The following UGT1A10 variants were observed in gnomAD, a reference collection of about 807,000 sequenced individuals.
UGT1A10 encodes UDP-glucuronosyltransferase 1A10.
UGT1A10 carries 49 observed loss-of-function variants against 45.8 expected under a neutral mutation model. The observed-to-expected ratio is 1.07, with a 90% CI of 0.85 to 1.36. The LOEUF is 1.36. Among genes scored for constraint, UGT1A10 ranks in the 40% most tolerant of loss-of-function variants. The pLI, the probability that UGT1A10 is intolerant of heterozygous loss-of-function variation, is 0.00. For missense variants in UGT1A10, 745 were observed against 668.6 expected (o/e 1.11, Z -1.26); for synonymous variants, 284 against 249.7 (o/e 1.14, Z -1.29).
At chr2:233,748,119 A>G (rs1693871947) in intron 1 of UGT1A10, 2 of 1,611,514 alleles carry the variant, frequency 1.2e-6, no homozygotes, top group Admixed American at 1.7e-5. Flanking sequence ...GTTCCAGGCA[A>G]AACAGTTTTT....
At chr2:233,719,824 T>G in intron 1 of UGT1A10, 2 of 1,564,874 alleles carry the variant, frequency 1.3e-6, no homozygotes, top group South Asian at 2.4e-5. Context: ...GATAAACTGT[T>G]GAGGGGCCTA....
At chr2:233,637,517 AT>A (rs2125459929) in intron 1 of UGT1A10, 140 bp downstream of exon 1, 1 of 1,443,100 alleles carries the variant, frequency 6.9e-7, no homozygotes, top group East Asian at 2.3e-5. Context: ...TTTTGTGCGA[AT>A]TCATGTACTC....
chr2:233,706,934 A>C (rs932560394), intron 1 of UGT1A10, among the ~76,000 whole-genome samples: 8 of 152,130 alleles, frequency 5.3e-5, no homozygotes, highest in African/African-American at 1.7e-4. Flanking sequence ...GTCTGGTGAG[A>C]TGGAATGCTT....
chr2:233,705,634 G>A (rs1392542286), intron 1 of UGT1A10, among the ~76,000 whole-genome samples: 1 of 152,192 alleles, frequency 6.6e-6, no homozygotes, highest in Non-Finnish European at 1.5e-5. Context: ...GACAGTTCTA[G>A]GAAGTTGAAG....
intron 1 of UGT1A10, chr2:233,755,285 A>T (rs1468695441): frequency 1.5e-6 from 1 of 681,694 alleles, no homozygotes; most frequent in African/African-American, 1.9e-5. Flanking sequence ...ACTGCCAAAG[A>T]GCCTGCGGGG....
rs189666363 is a variant in UGT1A10, at chr2:233,665,935, C to A, written c.855+28558C>A. 1.2e-3 allele frequency among the ~76,000 whole-genome samples: 189 copies of A among 152,270 alleles called. 1 individual carries two copies. The highest frequency in any genetic ancestry group is 1.9e-4 in the Non-Finnish European group (13 of 68,012). On this transcript the variant is annotated intron_variant, in intron 1 of 4. Transcript: ENST00000344644. ...TGAGAGGTCCAGCTGTTCATACTCA[C>A]CAACACTGGATGTCTTAGTCCGTTT...
chr2:233,759,839 C>T (rs1697267219), intron 1 of UGT1A10, among the ~76,000 whole-genome samples: 1 of 152,144 alleles, frequency 6.6e-6, no homozygotes, highest in South Asian at 2.1e-4. Context: ...AGTGGGCACT[C>T]TTACAGGTTT....
chr2:233,734,943 C>G (rs2078589604), intron 1 of UGT1A10, among the ~76,000 whole-genome samples: 1 of 152,150 alleles, frequency 6.6e-6, no homozygotes, highest in Non-Finnish European at 1.5e-5. Flanking sequence ...ATCATATGGT[C>G]AGTTTTAGAA....
intron 1 of UGT1A10, among the ~76,000 whole-genome samples, chr2:233,656,480 C>T (rs879655856): frequency 6.6e-6 from 1 of 152,168 alleles, no homozygotes; most frequent in Non-Finnish European, 1.5e-5. Flanking sequence ...TTTCTCTAGA[C>T]CTGTGCTTAT....
rs2076727897 is a variant in UGT1A10, at chr2:233,719,116, G to C, written c.856-47918G>C. On this transcript the variant is annotated intron_variant, in intron 1 of 4. Coordinates refer to ENST00000344644, the MANE Select transcript of UGT1A10 (RefSeq NM_019075.4). Reference sequence around the variant, plus strand: ...CGCGTTACGCTGGGCTACACTCAAGGGTTCTTTGAAACAGAACATCTTCTG... The same window carrying C: ...CGCGTTACGCTGGGCTACACTCAAGCGTTCTTTGAAACAGAACATCTTCTG... 4 of 1,614,102 alleles carry C rather than the reference G, an allele frequency of 2.5e-6. No homozygotes were observed. In the African/African-American group the frequency reaches 5.3e-5, roughly 22 times the overall value.
At chr2:233,729,583 C>A (rs1274615489) in intron 1 of UGT1A10, 2 of 1,614,036 alleles carry the variant, frequency 1.2e-6, no homozygotes, top group Non-Finnish European at 1.7e-6. Context: ...TTTAACAGAC[C>A]CCGTTAACCT....
chr2:233,729,658 T>C (rs375249430), intron 1 of UGT1A10: 278 of 1,613,792 alleles, frequency 1.7e-4, no homozygotes, highest in Non-Finnish European at 2.3e-4. Flanking sequence ...GAACATTCCA[T>C]GTGATTTAGA....
At chr2:233,652,872 TG>T (rs2073772714) in intron 1 of UGT1A10, among the ~76,000 whole-genome samples, 1 of 152,228 alleles carries the variant, frequency 6.6e-6, no homozygotes, top group Non-Finnish European at 1.5e-5. Context: ...AGGAAACATT[TG>T]GGGAAGTATT....
chr2:233,720,538 C>T (rs377667530), intron 1 of UGT1A10, among the ~76,000 whole-genome samples: 1 of 152,064 alleles, frequency 6.6e-6, no homozygotes, highest in South Asian at 2.1e-4. Flanking sequence ...CTCACCCTAT[C>T]CCACTCCAAG....
At position 233,772,301 on chromosome 2, in the gene UGT1A10, G is replaced by A. The variant is rs1384880194; in HGVS notation, c.1335G>A (p.Lys445=). ...TCATGCGCCTCTCCAGCCTTCACAA[G>A]GACCGCCCGGTGGAGCCGCTGGACC... ...ENIMRLSSLH[K]DRPVEPLDLA... The change falls in exon 5 of 5, where the codon AAG becomes AAA. Residue 445 remains lysine (K), a synonymous_variant. Transcript: ENST00000344644. The A allele has an allele frequency of 3.7e-6, 6 of 1,614,106 alleles. No individual in the cohort carries two copies. The highest frequency in any genetic ancestry group is 5.1e-6 in the Non-Finnish European group (6 of 1,180,054).
chr2:233,754,611 T>A (rs562553027), intron 1 of UGT1A10: 1 of 437,308 alleles, frequency 2.3e-6, no homozygotes, highest in East Asian at 7.0e-5. Flanking sequence ...CAACTCTCCA[T>A]CTTCCTCCAC....
chr2:233,754,185 C>T (rs1296616460), intron 1 of UGT1A10: 1 of 159,682 alleles, frequency 6.3e-6, no homozygotes, highest in Non-Finnish European at 1.4e-5. Flanking sequence ...GATTTCACCA[C>T]CACACAGTAA....
intron 1 of UGT1A10, among the ~76,000 whole-genome samples, chr2:233,678,756 A>C (rs1033605150): frequency 9.8e-6 from 1 of 102,106 alleles, no homozygotes; most frequent in Non-Finnish European, 2.5e-5. Context: ...ACTCATCTCT[A>C]TCAGGTCATC....
At chr2:233,638,426 A>G (rs950382267) in intron 1 of UGT1A10, among the ~76,000 whole-genome samples, 3 of 152,208 alleles carry the variant, frequency 2.0e-5, no homozygotes, top group African/African-American at 7.2e-5. Context: ...CATTAGATGT[A>G]CAATATACAA....
Sources: allele counts gnomAD v4.1 joint callset (sites outside exome capture counted in the v4.1 genomes callset), GRCh38; gene constraint gnomAD v4.1.1; transcripts MANE v1.5; gene names NCBI Gene and HGNC (gene_info 2026-07-23, HGNC 2026-07-21).